Variants in SCD observed in about 807,000 individuals in gnomAD.
The protein encoded by SCD is stearoyl-CoA desaturase, also known as acyl-CoA desaturase.
Under a neutral mutation model 35.7 loss-of-function variants are expected in SCD, and 4 were observed. That is an observed-to-expected ratio of 0.11 (90% CI 0.06 to 0.26). SCD has a LOEUF of 0.26. SCD is among the 10% of genes least tolerant of loss of function. The probability of loss-of-function intolerance (pLI) is 1.00; values close to 1 mark genes in which losing one functional copy is unlikely to be tolerated. For synonymous variants in SCD, 150 were observed against 170.2 expected (o/e 0.88, Z 0.92); for missense variants, 282 against 460.7 (o/e 0.61, Z 3.55).
In SCD at chr10:100,360,711, A is replaced by G. The variant is rs200119109; in HGVS notation, c.881-23A>G. The G allele has an allele frequency of 2.5e-6, 4 of 1,611,934 alleles. No homozygotes were observed. In the African/African-American group the frequency reaches 4.0e-5, roughly 16 times the overall value. ...GAAAACCTCAATGCACCGTCACTCC[A>G]TAACTTCTCGCTTTTGTTTCAGGTG... On this transcript the variant is annotated intron_variant, in intron 5 of 5. Coordinates refer to ENST00000370355, the MANE Select transcript of SCD (RefSeq NM_005063.5).
Position 100,361,307 on chromosome 10 carries a change from ACT to A in SCD, c.*379_*380del, listed in dbSNP as rs1365149769. On this transcript the variant is annotated 3_prime_UTR_variant, in exon 6 of 6. Coordinates refer to ENST00000370355, the MANE Select transcript of SCD (RefSeq NM_005063.5). ...AAACGAATGGTCTTTGCTCCAGATA[ACT>A]CTCTTTCCTTGAGCTGTTGTGAGCT... The A allele has an allele frequency of 5.4e-5, 12 of 220,558 alleles. No individual in the cohort carries two copies. The Admixed American group carries it at 6.3e-4, about 12-fold the overall frequency. The allele number at this position is 220,558 out of a possible 1,614,324, so 13.7% of individuals were successfully genotyped here.
At position 100,364,582 on chromosome 10, in the gene SCD, C is replaced by T. The variant is rs1850022400; in HGVS notation, c.*3649C>T. Reference sequence around the variant, plus strand: ...GGTTCTCCAAGAAACTGAATGAATCCATTGGAGAAGCGGTGGATAACTAGC... The same window carrying T: ...GGTTCTCCAAGAAACTGAATGAATCTATTGGAGAAGCGGTGGATAACTAGC... On this transcript the variant is annotated 3_prime_UTR_variant, in exon 6 of 6. Coordinates refer to ENST00000370355, the MANE Select transcript of SCD (RefSeq NM_005063.5). 6.6e-6 allele frequency: 1 copy of T among 152,544 alleles called. No individual in the cohort carries two copies. Among genetic ancestry groups the T allele is most frequent in the African/African-American group, 2.4e-5 (1 of 41,424 alleles). 9.4% of individuals were successfully genotyped at this position (152,544 alleles called of 1,614,324 possible). A position where few individuals can be genotyped will look rare whatever the true frequency, so the allele number is the denominator to read the frequency against.
intron 2 of SCD, among the ~76,000 whole-genome samples, chr10:100,351,723 C>CA (rs574564939): frequency 4.6e-5 from 7 of 152,100 alleles, no homozygotes; most frequent in Non-Finnish European, 8.8e-5. Flanking sequence ...TCACCGCAGC[C>CA]TCGACCTCCT....
At chr10:100,359,856 C>T (rs751403753) in intron 5 of SCD, among the ~76,000 whole-genome samples, 2 of 152,192 alleles carry the variant, frequency 1.3e-5, no homozygotes, top group African/African-American at 4.8e-5. Flanking sequence ...CTCTATCTGT[C>T]GAGTTTCCAA....
At chr10:100,359,269 G>A (rs1168814058) in intron 5 of SCD, among the ~76,000 whole-genome samples, 1 of 151,978 alleles carries the variant, frequency 6.6e-6, no homozygotes, top group Non-Finnish European at 1.5e-5. Context: ...CTCCAGCTCT[G>A]TTTCCTGCCA....
intron 1 of SCD, 87 bp downstream of exon 1, chr10:100,347,618 A>G: frequency 6.8e-7 from 1 of 1,470,812 alleles, no homozygotes; most frequent in South Asian, 1.2e-5. Flanking sequence ...AAGAGAGGGG[A>G]GAGCTCCGCG....
chr10:100,348,110 C>A lies in SCD; in HGVS notation c.74C>A (p.Ser25Tyr). Reference sequence around the variant, plus strand: ...ACCACCACCATTACAGCGCCTCCCTCCAGGGTCCTGCAGAATGGAGGAGAT... The same window carrying A: ...ACCACCACCATTACAGCGCCTCCCTACAGGGTCCTGCAGAATGGAGGAGAT... ...TTTTTITAPP[S>Y]RVLQNGGDKL... Residue 25 changes from serine (S) to tyrosine (Y), a missense_variant, in exon 2 of 6, where the codon TCC becomes TAC. Coordinates refer to ENST00000370355, the MANE Select transcript of SCD (RefSeq NM_005063.5). 2 of 1,613,818 alleles carry A rather than the reference C, an allele frequency of 1.2e-6. No homozygotes were observed. Among genetic ancestry groups the A allele is most frequent in the Non-Finnish European group, 1.7e-6 (2 of 1,179,844 alleles).
In SCD at chr10:100,356,265, T is replaced by A. The variant is rs574732256; in HGVS notation, c.648-267T>A. Among the ~76,000 whole-genome samples, 1 of 152,236 alleles carries A rather than the reference T, an allele frequency of 6.6e-6. No individual in the cohort carries two copies. Among genetic ancestry groups the A allele is most frequent in the South Asian group, 2.1e-4 (1 of 4,824 alleles). On this transcript the variant is annotated intron_variant, in intron 4 of 5. Coordinates refer to ENST00000370355, the MANE Select transcript of SCD (RefSeq NM_005063.5). This position sits in a 1 kb window ranked among gnomAD's most constrained non-coding sequence, Gnocchi z 4.1. ...GATGGTTCATGCCTGTGGTCCCAGC[T>A]ACTCAGGAGGCTGGGGTGGGAGGAT...
chr10:100,355,959 A>G (rs549343078), intron 4 of SCD, among the ~76,000 whole-genome samples: 1 of 152,246 alleles, frequency 6.6e-6, no homozygotes, highest in Non-Finnish European at 1.5e-5. Flanking sequence ...AAGAGTGCTG[A>G]TTAGAAAGAG....
At position 100,352,319 on chromosome 10, in the gene SCD, TG is replaced by T. The variant is rs775336134; in HGVS notation, c.311-45del. 6.3e-7 allele frequency: 1 copy of T among 1,592,780 alleles called. No individual in the cohort carries two copies. Among genetic ancestry groups the T allele is most frequent in the Non-Finnish European group, 8.6e-7 (1 of 1,166,722 alleles). On this transcript the variant is annotated intron_variant, in intron 2 of 5. Transcript: ENST00000370355. The surrounding 1 kb of genome is among the most constrained non-coding windows in gnomAD (Gnocchi z 4.2). ...AGTGTCTCTGGCATCCTTTCCCAGA[TG>T]GAACTCACACTGATTGGTGACTCCC... is the stretch of plus-strand genomic sequence containing the variant.
At chr10:100,357,555 A>T (rs1849941005) in intron 5 of SCD, among the ~76,000 whole-genome samples, 1 of 152,196 alleles carries the variant, frequency 6.6e-6, no homozygotes, top group Non-Finnish European at 1.5e-5. Context: ...ACATGCCTTC[A>T]GGAATCTCCC....
rs1166777975 is a variant in SCD at position 100,363,367 on chromosome 10, A to C, written c.*2434A>C. The C allele has an allele frequency of 2.0e-5, 3 of 152,296 alleles. No individual in the cohort carries two copies. Among genetic ancestry groups the C allele is most frequent in the African/African-American group, 7.2e-5 (3 of 41,452 alleles). The allele number at this position is 152,296 out of a possible 1,614,324, so 9.4% of individuals were successfully genotyped here. A position where few individuals can be genotyped will look rare whatever the true frequency, so the allele number is the denominator to read the frequency against. On this transcript the variant is annotated 3_prime_UTR_variant, in exon 6 of 6. Coordinates refer to ENST00000370355, the MANE Select transcript of SCD (RefSeq NM_005063.5). ...TCCACTGTTGAGCCCCAGTGCTGGA[A>C]GGGAGGAAGGCCTTTCTTCTGTGTT...
At chr10:100,347,594 C>CG in intron 1 of SCD, 63 bp downstream of exon 1, 1 of 1,597,704 alleles carries the variant, frequency 6.3e-7, no homozygotes, top group East Asian at 2.2e-5. Context: ...TTCCAGGGGA[C>CG]GGGTTGGTGG....
rs1288329840 is a variant in SCD at position 100,364,159 on chromosome 10, A to T, written c.*3226A>T. On this transcript the variant is annotated 3_prime_UTR_variant, in exon 6 of 6. Coordinates refer to ENST00000370355, the MANE Select transcript of SCD (RefSeq NM_005063.5). ...GGGTTAAAAGATGGTTGTAGCATTT[A>T]AAATGGAAAATTTTCTCCTTGGTTT... The T allele has an allele frequency of 6.7e-6, 1 of 149,524 alleles. No homozygotes were observed. Among genetic ancestry groups the T allele is most frequent in the Non-Finnish European group, 1.5e-5 (1 of 67,462 alleles). The allele number at this position is 149,524 out of a possible 1,614,324, so 9.3% of individuals were successfully genotyped here.
At position 100,347,445 on chromosome 10, in the gene SCD, C is replaced by G. The variant is rs200701649; in HGVS notation, c.-60C>G. 31 of 1,594,540 alleles carry G rather than the reference C, an allele frequency of 1.9e-5. No individual in the cohort carries two copies. Among genetic ancestry groups the G allele is most frequent in the Non-Finnish European group, 2.6e-5 (30 of 1,169,056 alleles). Reference sequence around the variant, plus strand: ...TCGAAACCGCAGTCCTCCGGCGACCCCGAACTCCGCTCCGGAGCCTCAGCC... The same window carrying G: ...TCGAAACCGCAGTCCTCCGGCGACCGCGAACTCCGCTCCGGAGCCTCAGCC... On this transcript the variant is annotated 5_prime_UTR_variant, in exon 1 of 6. Transcript: ENST00000370355.
At position 100,356,613 on chromosome 10, in the gene SCD, A is replaced by T. The variant is rs1215605964; in HGVS notation, c.729A>T (p.Gln243His). Reference protein sequence around the residue: ...VPWYFWGETFQNSVFVATFLR... With the variant: ...VPWYFWGETFHNSVFVATFLR... ...GGTATTTCTGGGGTGAAACTTTTCA[A>T]AACAGTGTGTTCGTTGCCACTTTCT... Residue 243 changes from glutamine to histidine, a missense_variant, in exon 5 of 6, where the codon CAA becomes CAT. Coordinates refer to ENST00000370355, the MANE Select transcript of SCD (RefSeq NM_005063.5). The surrounding 1 kb of genome is among the most constrained non-coding windows in gnomAD (Gnocchi z 4.1). 3.7e-6 allele frequency: 6 copies of T among 1,614,206 alleles called. No individual in the cohort carries two copies. The highest frequency in any genetic ancestry group is 5.1e-6 in the Non-Finnish European group (6 of 1,180,044).
Position 100,356,507 on chromosome 10 carries a change from C to G in SCD, c.648-25C>G. On this transcript the variant is annotated intron_variant, in intron 4 of 5. Coordinates refer to ENST00000370355, the MANE Select transcript of SCD (RefSeq NM_005063.5). This position sits in a 1 kb window ranked among gnomAD's most constrained non-coding sequence, Gnocchi z 4.1. ...TAGGTGTGGAGTCCCCCTCCATTGA[C>G]CTGGTGTCTGGTCTGTCAATGTAGG... The G allele has an allele frequency of 1.9e-6, 3 of 1,574,756 alleles. No individual in the cohort carries two copies. The highest frequency in any genetic ancestry group is 2.2e-5 in the South Asian group (2 of 90,246).
chr10:100,351,795 C>G (rs1328715291), intron 2 of SCD, among the ~76,000 whole-genome samples: 2 of 152,164 alleles, frequency 1.3e-5, no homozygotes, highest in Non-Finnish European at 2.9e-5. Context: ...CAGGTGCCAC[C>G]ATGCCAAGCT....
chr10:100,347,622 C>A, intron 1 of SCD, 91 bp downstream of exon 1: 1 of 1,425,734 alleles, frequency 7.0e-7, no homozygotes, highest in Middle Eastern at 1.8e-4. Context: ...GAGGGGAGAG[C>A]TCCGCGGAGG....
Sources: gnomAD v4.1 joint callset for allele counts (sites outside exome capture counted in the v4.1 genomes callset) on GRCh38, gnomAD v4.1.1 for gene constraint, Gnocchi (gnomAD v3.1) non-coding constraint, MANE v1.5 for transcripts, NCBI Gene and HGNC (gene_info 2026-07-23, HGNC 2026-07-21) for gene names.